DMBT1: variants seen among roughly 807,000 people sequenced by gnomAD.
DMBT1 encodes the protein deleted in malignant brain tumors 1, also known as scavenger receptor cysteine-rich domain-containing protein DMBT1.
DMBT1 carries 198 observed loss-of-function variants against 252.9 expected under a neutral mutation model. That is an observed-to-expected ratio of 0.78 (90% CI 0.70 to 0.88). The LOEUF (loss-of-function observed/expected upper bound fraction) is 0.88. Ranked by LOEUF, DMBT1 falls within the 40% of genes least tolerant of loss-of-function variation. The pLI is 0.00. For synonymous variants in DMBT1, 990 were observed against 942.7 expected, an observed-to-expected ratio of 1.05 and a Z score of -0.92; for missense variants, 2,432 against 2,404.7, an observed-to-expected ratio of 1.01 and a Z score of -0.24.
intron 26 of DMBT1, among the ~76,000 whole-genome samples, chr10:122,599,707 C>T (rs1591410076): frequency 6.6e-6 from 1 of 152,212 alleles, no homozygotes; most frequent in Non-Finnish European, 1.5e-5. Context: ...ATGGCCTTGT[C>T]ATTGCCTGTG....
At chr10:122,591,878 AT>A (rs2097852005) in intron 19 of DMBT1, among the ~76,000 whole-genome samples, 2 of 149,170 alleles carry the variant, frequency 1.3e-5, no homozygotes, top group Non-Finnish European at 3.0e-5. Flanking sequence ...TGTCTGGCCA[AT>A]GTGTTGCCAT....
intron 40 of DMBT1, 124 bp from the exon 41 acceptor site, chr10:122,617,893 T>C: frequency 6.7e-7 from 1 of 1,486,532 alleles, no homozygotes; most frequent in Non-Finnish European, 9.2e-7. Context: ...GTAGCAGTTG[T>C]ATGCAATTGT....
intron 1 of DMBT1, among the ~76,000 whole-genome samples, chr10:122,561,963 CTCTA>C (rs1264968400): frequency 2.0e-5 from 3 of 151,984 alleles, no homozygotes; most frequent in African/African-American, 7.2e-5. Flanking sequence ...TCCTCTCTCT[CTCTA>C]TCTGTTTCTC....
intron 44 of DMBT1, among the ~76,000 whole-genome samples, chr10:122,622,191 G>T (rs973917575): frequency 6.6e-6 from 1 of 152,168 alleles, no homozygotes; most frequent in African/African-American, 2.4e-5. Flanking sequence ...TATAAGGAGC[G>T]TCTTTGAATC....
intron 14 of DMBT1, among the ~76,000 whole-genome samples, chr10:122,584,570 C>A (rs2133563455): frequency 6.7e-6 from 1 of 148,430 alleles, no homozygotes; most frequent in African/African-American, 2.4e-5. Flanking sequence ...TTTCATGAAG[C>A]AGTTTCATAC....
In DMBT1 at chr10:122,636,046, A is replaced by G. The variant is rs2098224469; in HGVS notation, c.6604A>G (p.Ser2202Gly). ...YIEVFDGPYR[S>G]SPLIARVCDG... Reference sequence around the variant, plus strand: ...TGAAGTTTTCGATGGCCCCTACCGCAGTTCCCCTCTCATTGCTCGAGTTTG... The same window carrying G: ...TGAAGTTTTCGATGGCCCCTACCGCGGTTCCCCTCTCATTGCTCGAGTTTG... Residue 2202 changes from serine to glycine, a missense_variant, in exon 53 of 56, where the codon AGT (serine) becomes GGT (glycine). This residue lies in a region of DMBT1 where 1,162 missense variants were observed against 1,169.0 expected (regional missense o/e 0.99). Transcript: ENST00000338354. 6.2e-7 allele frequency: 1 copy of G among 1,613,874 alleles called. No individual in the cohort carries two copies. Among genetic ancestry groups the G allele is most frequent in the South Asian group, 1.1e-5 (1 of 91,090 alleles).
chr10:122,634,261 A>C (rs1460484208), intron 52 of DMBT1, among the ~76,000 whole-genome samples: 17 of 152,278 alleles, frequency 1.1e-4, no homozygotes, highest in Admixed American at 1.0e-3. Flanking sequence ...TTGCTGCTCC[A>C]GAGGGTAGGG....
At position 122,640,025 on chromosome 10, in the gene DMBT1, G is replaced by A; in HGVS notation, c.6943-15G>A. 1.2e-6 allele frequency: 2 copies of A among 1,608,470 alleles called. No individual in the cohort carries two copies. Among genetic ancestry groups the A allele is most frequent in the Non-Finnish European group, 1.7e-6 (2 of 1,176,212 alleles). The stretch of plus-strand genomic sequence containing the variant: ...GACATGTGCCTGACTCTGCTCTCTT[G>A]CCTGCCTCTCCTAGGCAGACAATGA... On this transcript the variant is annotated splice_polypyrimidine_tract_variant and intron_variant, in intron 54 of 55. Coordinates refer to ENST00000338354, the MANE Select transcript of DMBT1 (RefSeq NM_001377530.1).
At chr10:122,634,450 C>G (rs896055444) in intron 52 of DMBT1, among the ~76,000 whole-genome samples, 29 of 90,134 alleles carry the variant, frequency 3.2e-4, no homozygotes, top group South Asian at 1.5e-3. Context: ...CTCTCTCTCT[C>G]TCTCTCTCTC....
intron 20 of DMBT1, among the ~76,000 whole-genome samples, 175 bp downstream of exon 20, chr10:122,592,770 C>G (rs912326551): frequency 2.7e-5 from 4 of 148,732 alleles, no homozygotes; most frequent in African/African-American, 7.3e-5. Flanking sequence ...GCTTGGTGTT[C>G]CTGTGGTCAC....
At chr10:122,629,262 C>T (rs975974075) in intron 46 of DMBT1, among the ~76,000 whole-genome samples, 1 of 152,194 alleles carries the variant, frequency 6.6e-6, no homozygotes, top group Non-Finnish European at 1.5e-5. Flanking sequence ...TTACCACTCT[C>T]ATTTTTCTGA....
Position 122,640,421 on chromosome 10 carries a change from T to C in DMBT1, c.7324T>C (p.Ser2442Pro). Residue 2442 changes from serine (S) to proline (P), a missense_variant, in exon 55 of 56, where the codon TCT becomes CCT. Ser to Pro is a moderately conservative substitution (Grantham distance 74). Coordinates refer to ENST00000338354, the MANE Select transcript of DMBT1 (RefSeq NM_001377530.1). ...ATCACCATACTCCAATGACTTCACG[T>C]CTTTGACTTATGATCTAATCCGGAG... The part of the protein sequence containing the change: ...VASPYSNDFT[S>P]LTYDLIRSGC... 1 of 1,613,746 alleles carries C rather than the reference T, an allele frequency of 6.2e-7. No homozygotes were observed.
At chr10:122,586,509 T>A in intron 16 of DMBT1, 126 bp downstream of exon 16, 1 of 1,412,752 alleles carries the variant, frequency 7.1e-7, no homozygotes, top group Non-Finnish European at 9.5e-7. Flanking sequence ...CCTCCTTAGC[T>A]CTCTCCTAGG....
In DMBT1 at chr10:122,640,213, C is replaced by A. The variant is rs1844271472; in HGVS notation, c.7116C>A (p.Ile2372=). ...NDTIHVANNT[I]QVEEVQYGNF... The stretch of plus-strand genomic sequence containing the variant: ...CCATCCACGTTGCTAATAACACCAT[C>A]CAGGTCGAGGAAGTCCAGTATGGCA... Residue 2372 remains isoleucine, a synonymous_variant, in exon 55 of 56, where the codon ATC becomes ATA. Coordinates refer to ENST00000338354, the MANE Select transcript of DMBT1 (RefSeq NM_001377530.1). The A allele has an allele frequency of 3.1e-6, 5 of 1,613,936 alleles. No individual in the cohort carries two copies. The Admixed American group carries it at 8.3e-5, about 27-fold the overall frequency.
At chr10:122,570,764 T>C in intron 3 of DMBT1, 126 bp from the exon 4 acceptor site, 1 of 1,203,880 alleles carries the variant, frequency 8.3e-7, no homozygotes, top group Non-Finnish European at 1.2e-6. Context: ...TGGTTGGCTT[T>C]TAGCAATGGA....
chr10:122,636,134 A>G lies in DMBT1; in HGVS notation c.6692A>G (p.Asp2231Gly), dbSNP rs1212700503. The change falls in exon 53 of 56, where the codon GAC becomes GGC. Residue 2231 changes from aspartate to glycine, a missense_variant. Coordinates refer to ENST00000338354, the MANE Select transcript of DMBT1 (RefSeq NM_001377530.1). ...TTCATGTCCATTCGCTTCATCAGTG[A>G]CCACAGCATCACAAGGAGAGGGTTC... ...SNFMSIRFIS[D>G]HSITRRGFRA... 4 of 1,613,810 alleles carry G rather than the reference A, an allele frequency of 2.5e-6. No individual in the cohort carries two copies. The highest frequency in any genetic ancestry group is 3.4e-6 in the Non-Finnish European group (4 of 1,179,874).
intron 52 of DMBT1, among the ~76,000 whole-genome samples, chr10:122,634,602 T>C (rs2098211165): frequency 6.6e-6 from 1 of 151,776 alleles, no homozygotes; most frequent in Non-Finnish European, 1.5e-5. Context: ...GTTCAAGCGA[T>C]TCTCCTGCCT....
At chr10:122,567,388 C>A (rs905330753) in intron 2 of DMBT1, among the ~76,000 whole-genome samples, 7 of 152,218 alleles carry the variant, frequency 4.6e-5, no homozygotes, top group Admixed American at 1.3e-4. Flanking sequence ...TCTGAACAGG[C>A]ATCTCCATGG....
At chr10:122,577,623 A>T (rs1004743365) in intron 7 of DMBT1, among the ~76,000 whole-genome samples, 188 bp from the exon 8 acceptor site, 1 of 152,026 alleles carries the variant, frequency 6.6e-6, no homozygotes, top group African/African-American at 2.4e-5. Flanking sequence ...AGGCACAGAG[A>T]AGGCAATGCC....
Sources: allele counts gnomAD v4.1 joint callset (sites outside exome capture counted in the v4.1 genomes callset), GRCh38; gene constraint gnomAD v4.1.1; regional missense constraint gnomAD v4.1.1; transcripts MANE v1.5; gene names NCBI Gene and HGNC (gene_info 2026-07-23, HGNC 2026-07-21).